Variants in SPATA6L observed in about 807,000 individuals in gnomAD.
SPATA6L encodes spermatogenesis associated 6 like.
In SPATA6L, 68 loss-of-function variants were observed where a neutral mutation model predicts 49.2. That is an observed-to-expected ratio of 1.38 (90% confidence interval 1.14 to 1.69). The LOEUF is 1.69. Ranked by LOEUF, SPATA6L falls within the 40% of genes most tolerant of loss-of-function variation. The pLI, the probability that SPATA6L is intolerant of heterozygous loss-of-function variation, is 0.00. For missense variants in SPATA6L, 668 were observed against 464.3 expected (o/e 1.44, Z -4.03); for synonymous variants, 198 against 165.7 (o/e 1.19, Z -1.50).
chr9:4,589,843 T>C (rs1821791921), intron 13 of SPATA6L, among the ~76,000 whole-genome samples: 1 of 152,188 alleles, frequency 6.6e-6, no homozygotes, highest in Non-Finnish European at 1.5e-5. Context: ...AGTGTACCTC[T>C]CTGCAATCCT....
In SPATA6L at chr9:4,626,827, G is replaced by A. The variant is rs12348812; in HGVS notation, c.430-1261C>T. ...AAAATTGTCTGGCACAAGAGTACCT[G>A]AGGACATGAGAAAATGTTTATCATA... On this transcript the variant is annotated intron_variant, in intron 5 of 11. Coordinates refer to ENST00000682582, the MANE Select transcript of SPATA6L (RefSeq NM_001353486.2). 8.8e-3 allele frequency: 1,851 copies of A among 209,370 alleles called. 32 individuals are homozygous for A. Among genetic ancestry groups the A allele is most frequent in the African/African-American group, 0.037 (1,628 of 43,710 alleles). 13.0% of individuals were successfully genotyped at this position (209,370 alleles called of 1,614,324 possible). A position where few individuals can be genotyped will look rare whatever the true frequency, so the allele number is the denominator to read the frequency against.
chr9:4,625,213 G>A (rs1830109792), intron 6 of SPATA6L, 114 bp downstream of exon 6: 1 of 1,440,772 alleles, frequency 6.9e-7, no homozygotes, highest in Non-Finnish European at 9.1e-7. Context: ...TCAATTTGAA[G>A]TACCTTTTTA....
At chr9:4,651,968 T>C (rs1045589247) in intron 3 of SPATA6L, among the ~76,000 whole-genome samples, 1 of 151,708 alleles carries the variant, frequency 6.6e-6, no homozygotes, top group Non-Finnish European at 1.5e-5. Flanking sequence ...GACATGAAAA[T>C]GAAATAAAAT....
chr9:4,629,769 G>GTGTGTGTATATATATATATATATATATA (rs1311805859), intron 4 of SPATA6L, among the ~76,000 whole-genome samples: 1 of 101,934 alleles, frequency 9.8e-6, no homozygotes, highest in African/African-American at 5.0e-5. Flanking sequence ...GTGTGTGTGT[G>GTGTGTGTATATATATATATATATATATA]TATATATATA....
At chr9:4,605,114 T>C (rs1160936671) in intron 10 of SPATA6L, among the ~76,000 whole-genome samples, 1 of 152,094 alleles carries the variant, frequency 6.6e-6, no homozygotes, top group Admixed American at 6.6e-5. Context: ...TACTCCTCCG[T>C]TGGATCCAAG....
chr9:4,613,836 G>A lies in SPATA6L; in HGVS notation c.995+4087C>T, dbSNP rs972221499. ...TGACCTCAAGTGATCCACCCACCTC[G>A]CTTCCCAAAGTGCAGGGATTCCAGG... On this transcript the variant is annotated intron_variant, in intron 9 of 11. Transcript: ENST00000682582. 7.2e-5 allele frequency among the ~76,000 whole-genome samples: 11 copies of A among 152,058 alleles called. 1 individual carries two copies. The highest frequency in any genetic ancestry group is 2.6e-4 in the Admixed American group (4 of 15,244).
intron 3 of SPATA6L, among the ~76,000 whole-genome samples, chr9:4,648,723 TA>T (rs796503834): frequency 2.3e-3 from 127 of 54,558 alleles, no homozygotes; most frequent in African/African-American, 7.6e-3. Context: ...ATTAAATAAA[TA>T]AATACATAAG....
At chr9:4,604,927 G>C (rs774127205) in intron 10 of SPATA6L, among the ~76,000 whole-genome samples, 2 of 152,126 alleles carry the variant, frequency 1.3e-5, no homozygotes, top group Non-Finnish European at 2.9e-5. Flanking sequence ...TTAAATTCTA[G>C]AACAACTTTC....
At chr9:4,602,872 T>C (rs1823707625) in intron 11 of SPATA6L, among the ~76,000 whole-genome samples, 1 of 152,238 alleles carries the variant, frequency 6.6e-6, no homozygotes, top group Non-Finnish European at 1.5e-5. Flanking sequence ...ATGGAACTAA[T>C]GATAGTACCT....
intron 2 of SPATA6L, among the ~76,000 whole-genome samples, chr9:4,660,528 A>G (rs1019704343): frequency 6.6e-5 from 10 of 152,316 alleles, no homozygotes; most frequent in Middle Eastern, 3.4e-3. Flanking sequence ...AAGTCAGGAA[A>G]CAACAGGTGC....
chr9:4,618,064 G>C lies in SPATA6L; in HGVS notation c.854C>G (p.Ser285Ter). Reference sequence around the variant, plus strand: ...AAACTGACTTGAATCTAAACATGATGATGAGTCACTCCTTAAAACAATCCG... The same window carrying C: ...AAACTGACTTGAATCTAAACATGATCATGAGTCACTCCTTAAAACAATCCG... ...DERIVLRSDS[S>*]SCLDSSQFGK... The change falls in exon 9 of 12, where the codon TCA (serine) becomes TGA (stop). Residue 285 changes from serine to a stop codon, truncating the protein, a stop_gained. Transcript: ENST00000682582. LOFTEE classifies it high-confidence loss of function. 1 of 1,613,856 alleles carries C rather than the reference G, an allele frequency of 6.2e-7. No homozygotes were observed. The highest frequency in any genetic ancestry group is 1.3e-5 in the African/African-American group (1 of 75,010).
At chr9:4,616,732 T>C (rs545498325) in intron 9 of SPATA6L, among the ~76,000 whole-genome samples, 3 of 152,256 alleles carry the variant, frequency 2.0e-5, no homozygotes, top group South Asian at 2.1e-4. Flanking sequence ...ATTACAGGCA[T>C]GCGCCACTAT....
intron 3 of SPATA6L, among the ~76,000 whole-genome samples, chr9:4,647,077 A>G (rs1835558800): frequency 6.6e-6 from 1 of 152,158 alleles, no homozygotes; most frequent in African/African-American, 2.4e-5. Flanking sequence ...TTAAAAAAAA[A>G]AGCATTTCAC....
At chr9:4,644,000 C>A (rs1352239235) in intron 3 of SPATA6L, among the ~76,000 whole-genome samples, 1 of 151,570 alleles carries the variant, frequency 6.6e-6, no homozygotes, top group Non-Finnish European at 1.5e-5. Flanking sequence ...GAGCTAGATT[C>A]TGTCTCAAAA....
chr9:4,603,931 A>T (rs1043833976), intron 11 of SPATA6L, among the ~76,000 whole-genome samples: 3 of 152,178 alleles, frequency 2.0e-5, no homozygotes, highest in African/African-American at 7.2e-5. Flanking sequence ...AAGGCCGGAA[A>T]GTCTATTAGA....
chr9:4,655,338 A>G, intron 3 of SPATA6L, among the ~76,000 whole-genome samples: 1 of 152,222 alleles, frequency 6.6e-6, no homozygotes, highest in East Asian at 1.9e-4. Context: ...CAGAATAAGC[A>G]AATCTATACA....
intron 2 of SPATA6L, among the ~76,000 whole-genome samples, chr9:4,660,567 CTTTACACTG>C (rs1839395357): frequency 6.6e-6 from 1 of 152,164 alleles, no homozygotes; most frequent in South Asian, 2.1e-4. Context: ...ACAGGAACAC[CTTTACACTG>C]TTGGTGGGAC....
intron 4 of SPATA6L, chr9:4,633,858 TGAGA>T (rs1452276705): frequency 1.3e-5 from 2 of 152,246 alleles, no homozygotes; most frequent in Non-Finnish European, 2.9e-5. Flanking sequence ...ATAGAATGGT[TGAGA>T]GAAATTGAGT....
chr9:4,606,979 A>C (rs562694780), intron 9 of SPATA6L, among the ~76,000 whole-genome samples: 14 of 145,394 alleles, frequency 9.6e-5, no homozygotes, highest in Admixed American at 3.4e-4. Context: ...ACCAAGGCTC[A>C]AGAACTACGT....
Sources: gnomAD v4.1 joint callset for allele counts (sites outside exome capture counted in the v4.1 genomes callset) on GRCh38, gnomAD v4.1.1 for gene constraint, MANE v1.5 for transcripts, NCBI Gene and HGNC (gene_info 2026-07-23, HGNC 2026-07-21) for gene names.